The following SEPTIN9 variants were observed in gnomAD, a reference collection of about 807,000 sequenced individuals.
The protein encoded by SEPTIN9 is septin 9.
A neutral mutation model predicts 56.6 loss-of-function variants in SEPTIN9; 13 were observed. The ratio of observed to expected loss-of-function variants is 0.23; its 90% CI spans 0.15 to 0.37. The LOEUF (loss-of-function observed/expected upper bound fraction) is 0.37. Ranked by LOEUF, SEPTIN9 falls within the 10% of genes least tolerant of loss-of-function variation. The pLI, the probability that SEPTIN9 is intolerant of heterozygous loss-of-function variation, is 1.00. For missense variants in SEPTIN9, 650 were observed against 823.1 expected, an observed-to-expected ratio of 0.79 and a Z score of 2.57; for synonymous variants, 332 against 334.1, an observed-to-expected ratio of 0.99 and a Z score of 0.07.
At chr17:77,361,147 C>T (rs2034404881) in intron 2 of SEPTIN9, among the ~76,000 whole-genome samples, 1 of 152,166 alleles carries the variant, frequency 6.6e-6, no homozygotes, top group Non-Finnish European at 1.5e-5. Flanking sequence ...TGGTATCGAA[C>T]TCCTTACCTA....
At chr17:77,422,526 T>TG (rs999726421) in intron 3 of SEPTIN9, among the ~76,000 whole-genome samples, 34 of 151,800 alleles carry the variant, frequency 2.2e-4, no homozygotes, top group African/African-American at 8.2e-4. Context: ...TCAGGGAAGC[T>TG]GGGGTAAGAG....
chr17:77,480,442 G>A (rs2039410160), intron 3 of SEPTIN9, among the ~76,000 whole-genome samples: 1 of 152,228 alleles, frequency 6.6e-6, no homozygotes, highest in African/African-American at 2.4e-5. Flanking sequence ...GGGCTCAGTG[G>A]GCATTTCCTG....
chr17:77,482,869 G>T (rs2039516321), intron 4 of SEPTIN9: 1 of 381,426 alleles, frequency 2.6e-6, no homozygotes, highest in Non-Finnish European at 4.8e-6. Flanking sequence ...GGGTGAGGGG[G>T]CCAGGCTGGA....
chr17:77,406,447 C>CTT (rs5822199), intron 3 of SEPTIN9, among the ~76,000 whole-genome samples: 40 of 149,552 alleles, frequency 2.7e-4, no homozygotes, highest in Middle Eastern at 3.4e-3. Context: ...CTCTGCTAGA[C>CTT]TTTTTTTTTT....
chr17:77,400,442 A>G lies in SEPTIN9; in HGVS notation c.77-1617A>G, dbSNP rs949525650. 6.6e-6 allele frequency: 1 copy of G among 152,072 alleles called. No individual in the cohort carries two copies. Among genetic ancestry groups the G allele is most frequent in the African/African-American group, 2.4e-5 (1 of 41,372 alleles). The allele number at this position is 152,072 out of a possible 1,614,324, so 9.4% of individuals were successfully genotyped here. On this transcript the variant is annotated intron_variant, in intron 2 of 11. Coordinates refer to ENST00000427177, the MANE Select transcript of SEPTIN9 (RefSeq NM_001113491.2). The surrounding 1 kb of genome is among the most constrained non-coding windows in gnomAD (Gnocchi z 4.1). ...GTGACCCAGGATTTCGTCTGTGTCC[A>G]CCAAGAAGGAGAGGTGCCTGTGGCT...
chr17:77,339,579 G>A (rs904442726), intron 2 of SEPTIN9, among the ~76,000 whole-genome samples: 2 of 151,588 alleles, frequency 1.3e-5, no homozygotes, highest in African/African-American at 4.8e-5. Flanking sequence ...GCATGATCTC[G>A]GCTCATTGTA....
At position 77,310,394 on chromosome 17, in the gene SEPTIN9, G is replaced by A. The variant is rs2032442905; in HGVS notation, c.76+3197G>A. On this transcript the variant is annotated intron_variant, in intron 2 of 11. Transcript: ENST00000427177. This position sits in a 1 kb window ranked among gnomAD's most constrained non-coding sequence, Gnocchi z 4.7. ...CCTTGGTGCCTCACTGGAGTCAGTG[G>A]CTGCCCTGCCTGTGCCCACAACGTG... Among the ~76,000 whole-genome samples, 1 of 152,186 alleles carries A rather than the reference G, an allele frequency of 6.6e-6. No individual in the cohort carries two copies. Among genetic ancestry groups the A allele is most frequent in the Non-Finnish European group, 1.5e-5 (1 of 68,032 alleles).
chr17:77,475,178 T>TG lies in SEPTIN9; in HGVS notation c.722-6965dup. Reference sequence around the variant, plus strand: ...GCTGGGGTGAGCGTGATGGATGAGGTGTCTGGCTTCACAAACCCTGTGTGG... The same window carrying TG: ...GCTGGGGTGAGCGTGATGGATGAGGTGGTCTGGCTTCACAAACCCTGTGTGG... On this transcript the variant is annotated intron_variant, in intron 3 of 11. Transcript: ENST00000427177. This position sits in a 1 kb window ranked among gnomAD's most constrained non-coding sequence, Gnocchi z 4.6. 6 of 1,156,106 alleles carry TG rather than the reference T, an allele frequency of 5.2e-6. No individual in the cohort carries two copies. Among genetic ancestry groups the TG allele is most frequent in the Admixed American group, 8.5e-5 (2 of 23,544 alleles). 71.6% of individuals were successfully genotyped at this position (1,156,106 alleles called of 1,614,324 possible).
rs1408471244 is a variant in SEPTIN9 at position 77,487,998 on chromosome 17, C to T, written c.1043-242C>T. Reference sequence around the variant, plus strand: ...GTCAGTGTCCCGGACCCCTGTGGGCCCCGTCACACTGAGCTCCCCACAGAC... The same window carrying T: ...GTCAGTGTCCCGGACCCCTGTGGGCTCCGTCACACTGAGCTCCCCACAGAC... On this transcript the variant is annotated intron_variant, in intron 5 of 11. Transcript: ENST00000427177. This position sits in a 1 kb window ranked among gnomAD's most constrained non-coding sequence, Gnocchi z 4.3. Among the ~76,000 whole-genome samples the T allele has an allele frequency of 6.6e-6, 1 of 152,210 alleles. No individual in the cohort carries two copies. Among genetic ancestry groups the T allele is most frequent in the Non-Finnish European group, 1.5e-5 (1 of 68,032 alleles).
rs368699907 is a variant in SEPTIN9 at position 77,290,259 on chromosome 17, C to CTT, written c.19+8720_19+8721dup. On this transcript the variant is annotated intron_variant, in intron 1 of 11. Coordinates refer to ENST00000427177, the MANE Select transcript of SEPTIN9 (RefSeq NM_001113491.2). Reference sequence around the variant, plus strand: ...AGAGCTTGCTGTCTTAAAATAAATTCTTTTTTTTTTTTTTTTGAGATGGAG... The same window carrying CTT: ...AGAGCTTGCTGTCTTAAAATAAATTCTTTTTTTTTTTTTTTTTTGAGATGGAG... 1.6e-3 allele frequency among the ~76,000 whole-genome samples: 213 copies of CTT among 135,274 alleles called. 1 individual carries two copies. The highest frequency in any genetic ancestry group is 8.8e-3 in the East Asian group (41 of 4,648). The allele number at this position is 135,274 out of a possible 152,430, so 88.7% of individuals were successfully genotyped here.
chr17:77,377,105 C>T (rs1046070994), intron 2 of SEPTIN9: 3 of 152,232 alleles, frequency 2.0e-5, no homozygotes, highest in Non-Finnish European at 4.4e-5. Flanking sequence ...GATAGGTCTC[C>T]GAGCTTCAAG....
At position 77,492,597 on chromosome 17, in the gene SEPTIN9, C is replaced by T; in HGVS notation, c.1381-24C>T. ...GTAGAGCTTGCCACAGGGATGGGCC[C>T]ATCTCTCTCCCTCCTTATCCCAGAT... On this transcript the variant is annotated intron_variant, in intron 8 of 11. Transcript: ENST00000427177. This position sits in a 1 kb window ranked among gnomAD's most constrained non-coding sequence, Gnocchi z 5.4. 1 of 1,604,728 alleles carries T rather than the reference C, an allele frequency of 6.2e-7. No individual in the cohort carries two copies. The highest frequency in any genetic ancestry group is 2.2e-5 in the East Asian group (1 of 44,826).
chr17:77,410,799 G>T (rs748157734), intron 3 of SEPTIN9, among the ~76,000 whole-genome samples: 4 of 152,210 alleles, frequency 2.6e-5, no homozygotes, highest in Non-Finnish European at 5.9e-5. Context: ...AGCACCTCAT[G>T]CCATCCCTAG....
At chr17:77,377,879 C>T (rs1221938474) in intron 2 of SEPTIN9, among the ~76,000 whole-genome samples, 1 of 152,204 alleles carries the variant, frequency 6.6e-6, no homozygotes, top group Non-Finnish European at 1.5e-5. Context: ...TGCCTCTCTG[C>T]AGTTTGAGCT....
chr17:77,498,705 T>TA lies in SEPTIN9; in HGVS notation c.*47_*48insA. The TA allele has an allele frequency of 1.2e-6, 1 of 813,950 alleles. No individual in the cohort carries two copies. The highest frequency in any genetic ancestry group is 1.9e-6 in the Non-Finnish European group (1 of 538,476). 50.4% of individuals were successfully genotyped at this position (813,950 alleles called of 1,614,324 possible). A position where few individuals can be genotyped will look rare whatever the true frequency, so the allele number is the denominator to read the frequency against. ...GGATCCTGCCCCCAAGTCATTTCCG[T>TA]CCCCCCCCAGGCCCTCCCACCACCC... On this transcript the variant is annotated 3_prime_UTR_variant, in exon 12 of 12. Coordinates refer to ENST00000427177, the MANE Select transcript of SEPTIN9 (RefSeq NM_001113491.2).
chr17:77,348,086 T>C (rs986348981), intron 2 of SEPTIN9, among the ~76,000 whole-genome samples: 15 of 152,140 alleles, frequency 9.9e-5, no homozygotes, highest in African/African-American at 3.6e-4. Context: ...CTTTTGTAGA[T>C]AGTATATAGT....
intron 1 of SEPTIN9, among the ~76,000 whole-genome samples, chr17:77,305,382 G>A (rs2032220246): frequency 6.6e-6 from 1 of 152,088 alleles, no homozygotes; most frequent in Non-Finnish European, 1.5e-5. Context: ...CGGAGCTAAG[G>A]TACAGCTCAC....
intron 1 of SEPTIN9, among the ~76,000 whole-genome samples, chr17:77,303,512 G>T (rs1308097991): frequency 6.7e-6 from 1 of 148,726 alleles, no homozygotes; most frequent in African/African-American, 2.5e-5. Context: ...GTCAGTTCGA[G>T]ACCAGCCTGG....
At position 77,453,885 on chromosome 17, in the gene SEPTIN9, C is replaced by G. The variant is rs1037417833; in HGVS notation, c.722-28259C>G. 2 of 197,774 alleles carry G rather than the reference C, an allele frequency of 1.0e-5. No individual in the cohort carries two copies. The highest frequency in any genetic ancestry group is 4.7e-5 in the African/African-American group (2 of 42,162). The allele number at this position is 197,774 out of a possible 1,614,324, so 12.3% of individuals were successfully genotyped here. A position where few individuals can be genotyped will look rare whatever the true frequency, so the allele number is the denominator to read the frequency against. The stretch of plus-strand genomic sequence containing the variant: ...TCCTTAGGAGCCCCTTCTCCCTGCC[C>G]CCAGGCCTGGTGCAGTGTGTGGCTT... On this transcript the variant is annotated intron_variant, in intron 3 of 11. Transcript: ENST00000427177. This position sits in a 1 kb window ranked among gnomAD's most constrained non-coding sequence, Gnocchi z 4.4.
Sources: allele counts gnomAD v4.1 joint callset (sites outside exome capture counted in the v4.1 genomes callset), GRCh38; gene constraint gnomAD v4.1.1; non-coding constraint Gnocchi (gnomAD v3.1); transcripts MANE v1.5; gene names NCBI Gene and HGNC (gene_info 2026-07-23, HGNC 2026-07-21).